Variants in HENMT1 observed in about 807,000 individuals in gnomAD.
The protein encoded by HENMT1 is small RNA 2'-O-methyltransferase.
HENMT1 carries 27 observed loss-of-function variants against 31.1 expected under a neutral mutation model. That is an observed-to-expected ratio of 0.87 (90% confidence interval 0.64 to 1.20). The LOEUF (loss-of-function observed/expected upper bound fraction) is 1.20, where lower values mean the gene tolerates loss of function less well. Ranked by LOEUF, HENMT1 falls within the 50% of genes most tolerant of loss-of-function variation. The pLI, the probability that HENMT1 is intolerant of heterozygous loss-of-function variation, is 0.00. For synonymous variants in HENMT1, 167 were observed against 172.2 expected (o/e 0.97, Z 0.24); for missense variants, 438 against 469.6 (o/e 0.93, Z 0.62).
intron 7 of HENMT1, 147 bp downstream of exon 7, chr1:108,650,064 T>G (rs1198576391): frequency 3.9e-6 from 3 of 760,648 alleles, no homozygotes; most frequent in Non-Finnish European, 7.0e-6. Context: ...CGGACAGTAG[T>G]CATGGGGCCT....
Position 108,648,880 on chromosome 1 carries a change from G to A in HENMT1, c.868C>T (p.Arg290Trp), listed in dbSNP as rs773137441. The change falls in exon 8 of 8, where the codon CGG becomes TGG. Residue 290 changes from arginine (R) to tryptophan (W), a missense_variant. Transcript: ENST00000651461. ...CCCCGTTCCCCAGCCTGTTCTTTCC[G>A]CCTTGGCAGGTGGCTCACTCTTAAG... ...ESLRVSHLPR[R>W]KEQAGERGDK... 9 of 1,614,034 alleles carry A rather than the reference G, an allele frequency of 5.6e-6. No individual in the cohort carries two copies. In the East Asian group the frequency reaches 6.7e-5, roughly 12 times the overall value.
At chr1:108,659,092 CCA>C (rs2101003597) in intron 2 of HENMT1, among the ~76,000 whole-genome samples, 1 of 152,246 alleles carries the variant, frequency 6.6e-6, no homozygotes, top group African/African-American at 2.4e-5. Flanking sequence ...TCTTCAAAAT[CCA>C]GTGTGCTACA....
intron 3 of HENMT1, 149 bp from the exon 4 acceptor site, chr1:108,655,847 C>CCACA (rs1340992668): frequency 7.9e-6 from 2 of 251,668 alleles, no homozygotes; most frequent in African/African-American, 4.1e-5. Context: ...GCAGAAGATG[C>CCACA]TACACACACA....
chr1:108,659,345 C>T (rs1486931218), intron 2 of HENMT1, among the ~76,000 whole-genome samples: 1 of 151,378 alleles, frequency 6.6e-6, no homozygotes, highest in African/African-American at 2.4e-5. Context: ...GCCTGGGCAA[C>T]AGAGCAAGAC....
intron 2 of HENMT1, among the ~76,000 whole-genome samples, chr1:108,658,133 A>ATTTT (rs796291842): frequency 6.7e-5 from 9 of 134,170 alleles, no homozygotes; most frequent in African/African-American, 2.3e-4. Context: ...ATATATATAT[A>ATTTT]TTTTTTTTTT....
At chr1:108,654,483 CT>C (rs1297721685) in intron 5 of HENMT1, among the ~76,000 whole-genome samples, 1 of 152,048 alleles carries the variant, frequency 6.6e-6, no homozygotes, top group East Asian at 1.9e-4. Context: ...ATGTTAACAT[CT>C]GGATAAAGGG....
rs1260164457 is a variant in HENMT1, at chr1:108,648,305, A to C, written c.*261T>G. The stretch of plus-strand genomic sequence containing the variant: ...TAGGTAAGTTCAAAATTAACATATT[A>C]CCACATCCAACTTCTTTATTCTTGA... On this transcript the variant is annotated 3_prime_UTR_variant, in exon 8 of 8. Coordinates refer to ENST00000651461, the MANE Select transcript of HENMT1 (RefSeq NM_001102592.2). 2.1e-6 allele frequency: 1 copy of C among 478,496 alleles called. No homozygotes were observed. Among genetic ancestry groups the C allele is most frequent in the Non-Finnish European group, 3.7e-6 (1 of 269,602 alleles). 29.6% of individuals were successfully genotyped at this position (478,496 alleles called of 1,614,324 possible). A position where few individuals can be genotyped will look rare whatever the true frequency, so the allele number is the denominator to read the frequency against.
At chr1:108,652,605 A>T (rs913116713) in intron 5 of HENMT1, among the ~76,000 whole-genome samples, 4 of 152,076 alleles carry the variant, frequency 2.6e-5, no homozygotes, top group African/African-American at 9.7e-5. Flanking sequence ...CTAGACATTG[A>T]CAAAAATGCT....
chr1:108,650,620 T>TG (rs1291916860), intron 6 of HENMT1, among the ~76,000 whole-genome samples: 2 of 152,232 alleles, frequency 1.3e-5, no homozygotes, highest in African/African-American at 4.8e-5. Flanking sequence ...AGGAAAATTA[T>TG]GGGCAGGGTG....
Position 108,651,092 on chromosome 1 carries a change from T to G in HENMT1, c.516A>C (p.Pro172=), listed in dbSNP as rs774875073. The change falls in exon 6 of 8, where the codon CCA becomes CCC. Residue 172 remains proline, a synonymous_variant. Transcript: ENST00000651461. ...GATCTGAATCTCTTAAGGTCACTGATGGAAACAGGGGATTGAATTCAGAGT... is the reference window on the plus strand; with the variant it reads ...GATCTGAATCTCTTAAGGTCACTGAGGGAAACAGGGGATTGAATTCAGAGT... The part of the protein sequence containing the change: ...TPNSEFNPLF[P]SVTLRDSDHK... 4 of 1,614,058 alleles carry G rather than the reference T, an allele frequency of 2.5e-6. No individual in the cohort carries two copies. The highest frequency in any genetic ancestry group is 3.4e-6 in the Non-Finnish European group (4 of 1,179,904).
upstream of HENMT1, chr1:108,661,115 G>C (rs1198371579): frequency 1.9e-6 from 1 of 538,446 alleles, no homozygotes; most frequent in South Asian, 8.0e-5. Context: ...GCCTCGCTGC[G>C]TGACGCTACC....
chr1:108,650,320 C>T lies in HENMT1; in HGVS notation c.647G>A (p.Gly216Glu), dbSNP rs764372102. ...EFTGVGEPPA[G>E]AENVGYCTQI... Reference sequence around the variant, plus strand: ...GGTACAGTATCCAACATTCTCAGCTCCAGCTGGTGGTTCCCCGACACCAGT... The same window carrying T: ...GGTACAGTATCCAACATTCTCAGCTTCAGCTGGTGGTTCCCCGACACCAGT... The change falls in exon 7 of 8, where the codon GGA becomes GAA. Residue 216 changes from glycine to glutamate, a missense_variant. By Grantham distance (98) the Gly-to-Glu change is moderately conservative. Coordinates refer to ENST00000651461, the MANE Select transcript of HENMT1 (RefSeq NM_001102592.2). The T allele has an allele frequency of 9.7e-5, 157 of 1,613,984 alleles. 1 individual carries two copies. The South Asian group carries it at 1.6e-3, about 16-fold the overall frequency.
chr1:108,657,984 CATATATAT>C (rs147545516), intron 2 of HENMT1, among the ~76,000 whole-genome samples: 5 of 140,862 alleles, frequency 3.5e-5, no homozygotes, highest in East Asian at 4.0e-4. Flanking sequence ...TACACACACA[CATATATAT>C]ACACACACAC....
rs1466411256 is a variant in HENMT1, at chr1:108,651,243, C to T, written c.399-34G>A. 1.0e-5 allele frequency: 16 copies of T among 1,537,222 alleles called. No individual in the cohort carries two copies. In the East Asian group the frequency reaches 2.0e-4, roughly 20 times the overall value. Reference sequence around the variant, plus strand: ...GTTAATGAGAAAGACATAATAAAATCTAGCTTCACTTGCACCTATTTTTCT... The same window carrying T: ...GTTAATGAGAAAGACATAATAAAATTTAGCTTCACTTGCACCTATTTTTCT... On this transcript the variant is annotated intron_variant, in intron 5 of 7. Coordinates refer to ENST00000651461, the MANE Select transcript of HENMT1 (RefSeq NM_001102592.2).
chr1:108,655,589 C>T lies in HENMT1; in HGVS notation c.260G>A (p.Arg87Lys), dbSNP rs201403670. 45 of 1,549,644 alleles carry T rather than the reference C, an allele frequency of 2.9e-5. No homozygotes were observed. In the East Asian group the frequency reaches 1.0e-3, roughly 35 times the overall value. The change falls in exon 4 of 8, where the codon AGA (arginine) becomes AAA (lysine). Residue 87 changes from arginine (R) to lysine (K), a missense_variant. Physicochemically the swap from Arg to Lys is conservative, Grantham distance 26 (BLOSUM62 2). Transcript: ENST00000651461. ...VDINEDKLRWRGDSLAPFLGD... is the reference protein window; with the variant it reads ...VDINEDKLRWKGDSLAPFLGD... ...TCTTTCAGAAACTAAGTATTACCCT[C>T]TCCATCGTAATTTATCCTCATTAAT...
chr1:108,658,345 G>C (rs1443071354), intron 2 of HENMT1, among the ~76,000 whole-genome samples: 1 of 152,062 alleles, frequency 6.6e-6, no homozygotes, highest in Non-Finnish European at 1.5e-5. Flanking sequence ...ATGTTGGCCA[G>C]GCTCTTCTTG....
At chr1:108,650,692 A>C (rs1365360775) in intron 6 of HENMT1, among the ~76,000 whole-genome samples, 1 of 152,190 alleles carries the variant, frequency 6.6e-6, no homozygotes, top group Admixed American at 6.5e-5. Context: ...TTGCAATTAC[A>C]CCAGAAAACA....
chr1:108,649,569 T>C (rs895656597), intron 7 of HENMT1: 1 of 354,552 alleles, frequency 2.8e-6, no homozygotes, highest in Non-Finnish European at 5.5e-6. Flanking sequence ...TGAGCCATGA[T>C]TGTGCCGGTG....
chr1:108,650,960 T>C (rs1658035425), intron 6 of HENMT1, 70 bp downstream of exon 6: 8 of 1,072,546 alleles, frequency 7.5e-6, no homozygotes, highest in Non-Finnish European at 1.1e-5. Flanking sequence ...TGTATGTATA[T>C]CAATATTTAT....
Sources: gnomAD v4.1 joint callset for allele counts (sites outside exome capture counted in the v4.1 genomes callset) on GRCh38, gnomAD v4.1.1 for gene constraint, MANE v1.5 for transcripts, NCBI Gene and HGNC (gene_info 2026-07-23, HGNC 2026-07-21) for gene names.